EFEMP1: variants seen among roughly 807,000 people sequenced by gnomAD.
The protein encoded by EFEMP1 is EGF-like fibulin extracellular matrix protein 1.
EFEMP1 carries 18 observed loss-of-function variants against 65.7 expected under a neutral mutation model. That is an observed-to-expected ratio of 0.27 (90% confidence interval 0.19 to 0.41). The LOEUF is 0.41. EFEMP1 is among the 10% of genes least tolerant of loss of function. EFEMP1 has a pLI of 1.00. For missense variants in EFEMP1, 469 were observed against 624.8 expected, an observed-to-expected ratio of 0.75 and a Z score of 2.66; for synonymous variants, 237 against 219.7, an observed-to-expected ratio of 1.08 and a Z score of -0.70.
intron 5 of EFEMP1, among the ~76,000 whole-genome samples, chr2:55,910,266 A>AT (rs1670433982): frequency 2.0e-5 from 3 of 152,152 alleles, no homozygotes; most frequent in African/African-American, 7.2e-5. Context: ...TTCTTTTTAA[A>AT]TTTTTGCAAT....
intron 5 of EFEMP1, among the ~76,000 whole-genome samples, chr2:55,902,358 G>A (rs374899943): frequency 6.6e-6 from 1 of 152,228 alleles, no homozygotes; most frequent in Non-Finnish European, 1.5e-5. Context: ...GTTCTTTGCC[G>A]AAAGGCACTC....
rs772284064 is a variant in EFEMP1 at position 55,871,016 on chromosome 2, T to G, written c.1108A>C (p.Ile370Leu). 3 of 1,613,744 alleles carry G rather than the reference T, an allele frequency of 1.9e-6. No homozygotes were observed. Among genetic ancestry groups the G allele is most frequent in the Non-Finnish European group, 2.5e-6 (3 of 1,179,802 alleles). Residue 370 changes from isoleucine to leucine, a missense_variant, in exon 10 of 12, where the codon ATT becomes CTT. By Grantham distance (5) the Ile-to-Leu change is conservative (BLOSUM62 2). Coordinates refer to ENST00000355426, the MANE Select transcript of EFEMP1 (RefSeq NM_001039348.3). This position sits in a 1 kb window ranked among gnomAD's most constrained non-coding sequence, Gnocchi z 4.2. ...TTTTCTTACTTCTCTGGTGTTAGAA[T>G]GTAGGGATCTTGACAAGGATTTCGT... ...YPRNPCQDPY[I>L]LTPENRCVCP...
chr2:55,906,011 A>T (rs770686045), intron 5 of EFEMP1, among the ~76,000 whole-genome samples: 13 of 152,170 alleles, frequency 8.5e-5, no homozygotes, highest in Non-Finnish European at 1.3e-4. Flanking sequence ...CTAATTTACA[A>T]TAGTTTTGCT....
At position 55,867,443 on chromosome 2, in the gene EFEMP1, CT is replaced by C. The variant is rs35060930; in HGVS notation, c.1321-210del. 0.17 allele frequency among the ~76,000 whole-genome samples: 24,522 copies of C among 143,572 alleles called. 2,166 individuals carry two copies. The highest frequency in any genetic ancestry group is 0.25 in the African/African-American group (9,957 of 39,192). The allele number at this position is 143,572 out of a possible 152,430, so 94.2% of individuals were successfully genotyped here. A position where few individuals can be genotyped will look rare whatever the true frequency, so the allele number is the denominator to read the frequency against. On this transcript the variant is annotated intron_variant, in intron 11 of 11. Transcript: ENST00000355426. The surrounding 1 kb of genome is among the most constrained non-coding windows in gnomAD (Gnocchi z 4.3). ...ATTAGCTCCAAGTTTCAAGGACTTGCTTTTTTTTTTTTTTAAATAGTTCTTT... is the reference window on the plus strand; with the variant it reads ...ATTAGCTCCAAGTTTCAAGGACTTGCTTTTTTTTTTTTTAAATAGTTCTTT...
chr2:55,917,583 C>T lies in EFEMP1; in HGVS notation c.517+82G>A. 2 of 1,577,404 alleles carry T rather than the reference C, an allele frequency of 1.3e-6. No homozygotes were observed. The highest frequency in any genetic ancestry group is 1.7e-6 in the Non-Finnish European group (2 of 1,147,150). The stretch of plus-strand genomic sequence containing the variant: ...GCATGATGTCTGGCACGCGAGAAGT[C>T]CTTAATAAATTATCATCATCCTCAC... On this transcript the variant is annotated intron_variant, in intron 5 of 11. Transcript: ENST00000355426. This position sits in a 1 kb window ranked among gnomAD's most constrained non-coding sequence, Gnocchi z 6.3.
Position 55,922,288 on chromosome 2 carries a change from G to A in EFEMP1, c.81+72C>T. ...GAGTATAGCCCAAATACACTGGCAG[G>A]GGTGTGTAAAGTCTTTTTTTGTCAC... is the stretch of plus-strand genomic sequence containing the variant. On this transcript the variant is annotated intron_variant, in intron 3 of 11. Coordinates refer to ENST00000355426, the MANE Select transcript of EFEMP1 (RefSeq NM_001039348.3). This position sits in a 1 kb window ranked among gnomAD's most constrained non-coding sequence, Gnocchi z 5.5. 2.2e-6 allele frequency: 3 copies of A among 1,357,328 alleles called. No homozygotes were observed. The highest frequency in any genetic ancestry group is 3.2e-6 in the Non-Finnish European group (3 of 947,728). 84.1% of individuals were successfully genotyped at this position (1,357,328 alleles called of 1,614,324 possible). A position where few individuals can be genotyped will look rare whatever the true frequency, so the allele number is the denominator to read the frequency against.
In EFEMP1 at chr2:55,885,133, T is replaced by C. The variant is rs1669379162; in HGVS notation, c.518-3399A>G. On this transcript the variant is annotated intron_variant, in intron 5 of 11. Transcript: ENST00000355426. This position sits in a 1 kb window ranked among gnomAD's most constrained non-coding sequence, Gnocchi z 4.3. ...AGTGAGTCCAGGAGTGCAGAGGCTA[T>C]GAGGTATAAAGCAGATTCGCCAGAA... is the stretch of plus-strand genomic sequence containing the variant. Among the ~76,000 whole-genome samples the C allele has an allele frequency of 6.6e-6, 1 of 152,136 alleles. No individual in the cohort carries two copies. The highest frequency in any genetic ancestry group is 1.9e-4 in the East Asian group (1 of 5,190).
chr2:55,868,003 C>A (rs1036616143), intron 11 of EFEMP1, among the ~76,000 whole-genome samples: 2 of 152,072 alleles, frequency 1.3e-5, no homozygotes, highest in African/African-American at 4.8e-5. Context: ...GGACATTAAA[C>A]CAAGGGAGAG....
chr2:55,904,971 TTTTTTTTCTTTTTC>T (rs375614228), intron 5 of EFEMP1, among the ~76,000 whole-genome samples: 44,092 of 110,280 alleles, frequency 0.4, 9,126 homozygotes, highest in East Asian at 0.8. Context: ...AGTGGCTTTT[TTTTTTTTCTTTTTC>T]TTTTTTTTTT....
intron 5 of EFEMP1, among the ~76,000 whole-genome samples, chr2:55,908,962 A>G (rs1670382759): frequency 6.6e-6 from 1 of 152,178 alleles, no homozygotes; most frequent in South Asian, 2.1e-4. Flanking sequence ...AGTCACTAAT[A>G]TTTATGGAAA....
intron 9 of EFEMP1, 118 bp downstream of exon 9, chr2:55,874,828 T>C: frequency 8.8e-7 from 1 of 1,134,246 alleles, no homozygotes; most frequent in South Asian, 1.7e-5. Context: ...AAAAAAGAGC[T>C]TAAATTGTAT....
chr2:55,917,560 A>G lies in EFEMP1; in HGVS notation c.517+105T>C. ...ATATAATGCAGACAAAGCACTTAGC[A>G]TGATGTCTGGCACGCGAGAAGTCCT... On this transcript the variant is annotated intron_variant, in intron 5 of 11. Coordinates refer to ENST00000355426, the MANE Select transcript of EFEMP1 (RefSeq NM_001039348.3). The surrounding 1 kb of genome is among the most constrained non-coding windows in gnomAD (Gnocchi z 6.3). 7 of 1,408,642 alleles carry G rather than the reference A, an allele frequency of 5.0e-6. No homozygotes were observed. The highest frequency in any genetic ancestry group is 7.0e-6 in the Non-Finnish European group (7 of 993,726). 87.3% of individuals were successfully genotyped at this position (1,408,642 alleles called of 1,614,324 possible).
chr2:55,914,009 C>CAA (rs913534673), intron 5 of EFEMP1, among the ~76,000 whole-genome samples: 26 of 148,322 alleles, frequency 1.8e-4, no homozygotes, highest in African/African-American at 6.4e-4. Flanking sequence ...GACTCTGTCT[C>CAA]AAAAAAAAAG....
At chr2:55,881,083 C>T (rs557923344) in intron 6 of EFEMP1, among the ~76,000 whole-genome samples, 1 of 152,328 alleles carries the variant, frequency 6.6e-6, no homozygotes, top group East Asian at 1.9e-4. Flanking sequence ...CAGGGACAGG[C>T]ACTATTCTAA....
chr2:55,881,855 AT>A, intron 5 of EFEMP1, 121 bp from the exon 6 acceptor site: 1 of 1,274,424 alleles, frequency 7.8e-7, no homozygotes, highest in South Asian at 1.2e-5. Flanking sequence ...ATGTTCTTGC[AT>A]TGGAAATGTT....
rs1670943456 is a variant in EFEMP1 at position 55,922,596 on chromosome 2, TC to T, written c.-7-150del. On this transcript the variant is annotated intron_variant, in intron 2 of 11. Transcript: ENST00000355426. This position sits in a 1 kb window ranked among gnomAD's most constrained non-coding sequence, Gnocchi z 5.5. Reference sequence around the variant, plus strand: ...TTCCAATCTGCTTTCTCATCTCCCCTCCCCCTCCTGAACCTTCTCGGTAGCC... The same window carrying T: ...TTCCAATCTGCTTTCTCATCTCCCCTCCCCTCCTGAACCTTCTCGGTAGCC... 9 of 742,354 alleles carry T rather than the reference TC, an allele frequency of 1.2e-5. No homozygotes were observed. The highest frequency in any genetic ancestry group is 5.9e-5 in the East Asian group (2 of 34,138). 46.0% of individuals were successfully genotyped at this position (742,354 alleles called of 1,614,324 possible). A position where few individuals can be genotyped will look rare whatever the true frequency, so the allele number is the denominator to read the frequency against.
rs188700239 is a variant in EFEMP1 at position 55,918,133 on chromosome 2, G to A, written c.131-82C>T. Reference sequence around the variant, plus strand: ...TAAATATAATGCTCATGCCTTTTTGGTATAACACAGACAGGACAGGAAGAG... The same window carrying A: ...TAAATATAATGCTCATGCCTTTTTGATATAACACAGACAGGACAGGAAGAG... On this transcript the variant is annotated intron_variant, in intron 4 of 11. Coordinates refer to ENST00000355426, the MANE Select transcript of EFEMP1 (RefSeq NM_001039348.3). The A allele has an allele frequency of 1.9e-6, 3 of 1,612,084 alleles. No homozygotes were observed. In the African/African-American group the frequency reaches 4.0e-5, roughly 22 times the overall value.
chr2:55,888,930 C>T (rs1352454093), intron 5 of EFEMP1, among the ~76,000 whole-genome samples: 1 of 152,154 alleles, frequency 6.6e-6, no homozygotes, highest in African/African-American at 2.4e-5. Context: ...TGGTTCCCGG[C>T]CACTTGATCT....
At chr2:55,878,823 T>C (rs1179778274) in intron 6 of EFEMP1, among the ~76,000 whole-genome samples, 2 of 152,174 alleles carry the variant, frequency 1.3e-5, no homozygotes, top group Non-Finnish European at 2.9e-5. Flanking sequence ...TTTCCTCTTC[T>C]GTGAGTAGAA....
Sources: gnomAD v4.1 joint callset for allele counts (sites outside exome capture counted in the v4.1 genomes callset) on GRCh38, gnomAD v4.1.1 for gene constraint, Gnocchi (gnomAD v3.1) non-coding constraint, MANE v1.5 for transcripts, NCBI Gene and HGNC (gene_info 2026-07-23, HGNC 2026-07-21) for gene names.